SV2C: variants seen among roughly 807,000 people sequenced by gnomAD.
The protein encoded by SV2C is solute carrier family 22 member B3.
In SV2C, 49 loss-of-function variants were observed where a neutral mutation model predicts 79.7. The ratio of observed to expected loss-of-function variants is 0.61; its 90% CI spans 0.49 to 0.78. The LOEUF is 0.78. SV2C is among the 30% of genes least tolerant of loss of function. The pLI is 0.00. For missense variants in SV2C, 833 were observed against 912.9 expected, an observed-to-expected ratio of 0.91 and a Z score of 1.13; for synonymous variants, 334 against 333.2, an observed-to-expected ratio of 1.00 and a Z score of -0.03.
chr5:76,015,803 AT>A, the SV2C span, among the ~76,000 whole-genome samples: 33 of 152,274 alleles, frequency 2.2e-4, no homozygotes, highest in African/African-American at 7.7e-4. Context: ...AACTTTTAAA[AT>A]GATTTTAATA....
chr5:76,228,025 C>T (rs1373981638), intron 4 of SV2C, among the ~76,000 whole-genome samples: 2 of 152,138 alleles, frequency 1.3e-5, no homozygotes, highest in Non-Finnish European at 1.5e-5. Flanking sequence ...AAATGGTTCT[C>T]AGGCTTCTGG....
the SV2C span, among the ~76,000 whole-genome samples, chr5:75,952,186 G>C: frequency 1.4e-3 from 217 of 151,970 alleles, 1 homozygote; most frequent in Admixed American, 4.4e-3. Flanking sequence ...AAAAAATCAT[G>C]ACATTGCTGA....
At chr5:75,963,310 C>G in the SV2C span, among the ~76,000 whole-genome samples, 1 of 152,126 alleles carries the variant, frequency 6.6e-6, no homozygotes, top group Non-Finnish European at 1.5e-5. Context: ...TGCTTGAGTA[C>G]ACTCACAACG....
intron 12 of SV2C, among the ~76,000 whole-genome samples, chr5:76,317,916 G>C (rs921493042): frequency 6.6e-6 from 1 of 152,140 alleles, no homozygotes; most frequent in Non-Finnish European, 1.5e-5. Context: ...ATGGCTAATA[G>C]TCACATGGTG....
At chr5:75,955,232 A>G in the SV2C span, among the ~76,000 whole-genome samples, 2 of 150,752 alleles carry the variant, frequency 1.3e-5, no homozygotes, top group African/African-American at 4.9e-5. Flanking sequence ...GCCCTCAGAA[A>G]TAACACCGCA....
the SV2C span, among the ~76,000 whole-genome samples, chr5:76,048,969 A>AAGAAAGAAAGAAAGAAAG: frequency 1.6e-5 from 1 of 63,328 alleles, no homozygotes; most frequent in African/African-American, 5.9e-5. Flanking sequence ...GAAAAAGAGA[A>AAGAAAGAAAGAAAGAAAG]AGAAAGAAAG....
intron 9 of SV2C, chr5:76,296,158 G>A (rs1449790057): frequency 5.6e-6 from 2 of 354,326 alleles, no homozygotes; most frequent in Non-Finnish European, 9.8e-6. Context: ...TTGCAGCTAA[G>A]TTGCTTCATA....
chr5:76,082,596 T>TTCC (rs769060722), upstream of SV2C, among the ~76,000 whole-genome samples: 1 of 149,598 alleles, frequency 6.7e-6, no homozygotes, highest in Non-Finnish European at 1.5e-5. Context: ...TCTTTCTTTC[T>TTCC]TCCTCCTCCT....
chr5:75,884,742 C>T, the SV2C span, among the ~76,000 whole-genome samples: 2 of 151,422 alleles, frequency 1.3e-5, no homozygotes, highest in Non-Finnish European at 2.9e-5. Flanking sequence ...ATACATGCAC[C>T]GAAACATCAC....
chr5:76,197,147 C>CT (rs1408252527), intron 3 of SV2C, among the ~76,000 whole-genome samples: 1 of 152,166 alleles, frequency 6.6e-6, no homozygotes, highest in African/African-American at 2.4e-5. Flanking sequence ...GACATTAGGA[C>CT]TTTGCATTGT....
the SV2C span, among the ~76,000 whole-genome samples, chr5:75,917,525 G>A: frequency 6.6e-6 from 1 of 152,134 alleles, no homozygotes; most frequent in Non-Finnish European, 1.5e-5. Flanking sequence ...AACACAGATG[G>A]AACTGGAGGT....
At chr5:76,082,533 C>T (rs949441660), upstream of SV2C, 1 of 152,058 alleles carries the variant, frequency 6.6e-6, no homozygotes, top group Admixed American at 6.6e-5. Flanking sequence ...TCTCTCTTCT[C>T]TCCTCTCTCT....
the SV2C span, among the ~76,000 whole-genome samples, chr5:76,036,400 G>A: frequency 6.6e-6 from 1 of 152,104 alleles, no homozygotes. Context: ...TCCCTTCCAT[G>A]TTTAGTGCTT....
intron 1 of SV2C, among the ~76,000 whole-genome samples, chr5:76,095,049 A>T (rs1580261380): frequency 6.6e-6 from 1 of 151,742 alleles, no homozygotes; most frequent in African/African-American, 2.4e-5. Context: ...GATTTCTTTC[A>T]ATGTTTTTTT....
At chr5:76,001,496 G>A in the SV2C span, among the ~76,000 whole-genome samples, 3 of 152,056 alleles carry the variant, frequency 2.0e-5, no homozygotes, top group South Asian at 6.2e-4. Context: ...CAGCTACTCA[G>A]AAGGCTGAGG....
chr5:75,988,999 G>T, the SV2C span, among the ~76,000 whole-genome samples: 5 of 151,742 alleles, frequency 3.3e-5, no homozygotes, highest in Non-Finnish European at 7.4e-5. Context: ...ACTTTCCTTT[G>T]TCTTGTCATT....
chr5:76,306,179 C>T (rs1327320664), intron 12 of SV2C, among the ~76,000 whole-genome samples: 1 of 152,180 alleles, frequency 6.6e-6, no homozygotes, highest in Non-Finnish European at 1.5e-5. Context: ...TACAAAGTAG[C>T]TGGAACTACA....
At chr5:75,942,659 C>T in the SV2C span, among the ~76,000 whole-genome samples, 1 of 152,176 alleles carries the variant, frequency 6.6e-6, no homozygotes, top group African/African-American at 2.4e-5. Context: ...GCAGACATTC[C>T]TACCATTCAT....
chr5:76,349,383 C>T (rs140805233), intron 12 of SV2C, among the ~76,000 whole-genome samples: 1,538 of 152,050 alleles, frequency 0.01, 29 homozygotes, highest in African/African-American at 0.035. Flanking sequence ...CATGGTGACG[C>T]GCACCTGTAA....
Sources: allele counts gnomAD v4.1 joint callset (sites outside exome capture counted in the v4.1 genomes callset), GRCh38; gene constraint gnomAD v4.1.1; transcripts MANE v1.5; gene names NCBI Gene and HGNC (gene_info 2026-07-23, HGNC 2026-07-21).